Variants in KCNIP4 observed in about 807,000 individuals in gnomAD.
KCNIP4 encodes the protein Kv channel-interacting protein 4.
In KCNIP4, 12 loss-of-function variants were observed where a neutral mutation model predicts 34.0. The ratio of observed to expected loss-of-function variants is 0.35; its 90% CI spans 0.23 to 0.57. The LOEUF (loss-of-function observed/expected upper bound fraction) is 0.57. Among genes scored for constraint, KCNIP4 ranks in the 20% least tolerant of loss-of-function variants. The pLI, the probability that KCNIP4 is intolerant of heterozygous loss-of-function variation, is 0.83. For synonymous variants in KCNIP4, 124 were observed against 102.2 expected, an observed-to-expected ratio of 1.21 and a Z score of -1.29; for missense variants, 238 against 311.7, an observed-to-expected ratio of 0.76 and a Z score of 1.78.
chr4:21,358,722 C>A (rs1177992187), intron 1 of KCNIP4, among the ~76,000 whole-genome samples: 1 of 152,140 alleles, frequency 6.6e-6, no homozygotes, highest in African/African-American at 2.4e-5. Flanking sequence ...CTGCTTAGGG[C>A]AAGCATACCT....
At chr4:21,143,367 A>T (rs906442557) in intron 1 of KCNIP4, among the ~76,000 whole-genome samples, 1 of 152,180 alleles carries the variant, frequency 6.6e-6, no homozygotes, top group East Asian at 1.9e-4. Context: ...CTAGGAGTGG[A>T]GAGTGACCAT....
intron 1 of KCNIP4, among the ~76,000 whole-genome samples, chr4:21,901,692 T>C (rs1049233317): frequency 2.0e-5 from 3 of 152,200 alleles, no homozygotes; most frequent in African/African-American, 4.8e-5. Flanking sequence ...AAGTTAAAAC[T>C]GCTATGATGA....
At chr4:21,264,592 G>A (rs1435239461) in intron 1 of KCNIP4, among the ~76,000 whole-genome samples, 1 of 152,124 alleles carries the variant, frequency 6.6e-6, no homozygotes, top group African/African-American at 2.4e-5. Context: ...GCTCATCAAG[G>A]TGTCCTAAAG....
chr4:20,916,080 A>AG (rs1728782291), intron 1 of KCNIP4, among the ~76,000 whole-genome samples: 1 of 152,162 alleles, frequency 6.6e-6, no homozygotes, highest in Non-Finnish European at 1.5e-5. Flanking sequence ...ACAGCTTCAG[A>AG]GAAAAAAAAA....
chr4:21,129,558 T>A (rs1431396589), intron 1 of KCNIP4, among the ~76,000 whole-genome samples: 1 of 152,192 alleles, frequency 6.6e-6, no homozygotes, highest in East Asian at 1.9e-4. Flanking sequence ...GCAAGGAGTG[T>A]AATTCAGGTG....
chr4:20,989,604 C>T (rs1321944775), intron 1 of KCNIP4, among the ~76,000 whole-genome samples: 1 of 152,138 alleles, frequency 6.6e-6, no homozygotes, highest in Admixed American at 6.6e-5. Flanking sequence ...AGAGAGAAAC[C>T]TAATCTAGGT....
At chr4:21,205,071 G>A (rs1195843121) in intron 1 of KCNIP4, among the ~76,000 whole-genome samples, 2 of 152,192 alleles carry the variant, frequency 1.3e-5, no homozygotes, top group East Asian at 1.9e-4. Flanking sequence ...AAGTTTCAAC[G>A]AAAAGCTGGT....
chr4:21,449,666 T>C (rs916518992), intron 1 of KCNIP4, among the ~76,000 whole-genome samples: 1 of 151,610 alleles, frequency 6.6e-6, no homozygotes, highest in Non-Finnish European at 1.5e-5. Flanking sequence ...CTTTTTACTC[T>C]TTTTAAAGTT....
chr4:20,744,119 G>T (rs1291148542), intron 5 of KCNIP4, among the ~76,000 whole-genome samples: 1 of 152,136 alleles, frequency 6.6e-6, no homozygotes, highest in Non-Finnish European at 1.5e-5. Flanking sequence ...AACAACAGAT[G>T]CTGGAGAGGA....
rs950174249 is a variant in KCNIP4 at position 20,850,523 on chromosome 4, G to T, written c.288+20C>A. 1.6e-5 allele frequency: 26 copies of T among 1,610,026 alleles called. No individual in the cohort carries two copies. The highest frequency in any genetic ancestry group is 2.2e-5 in the Non-Finnish European group (26 of 1,178,396). ...CCTCTGGGAATTGTGTGAAGGTAAA[G>T]TCAAAAAGAAAGTTCTTACATTCTT... On this transcript the variant is annotated intron_variant, in intron 3 of 8. Coordinates refer to ENST00000382152, the MANE Select transcript of KCNIP4 (RefSeq NM_025221.6).
chr4:20,968,477 CAT>C (rs1301352292), intron 1 of KCNIP4, among the ~76,000 whole-genome samples: 1 of 152,086 alleles, frequency 6.6e-6, no homozygotes, highest in African/African-American at 2.4e-5. Context: ...CACATGCACA[CAT>C]ATGTTTATTG....
At chr4:21,385,311 C>A (rs1289245421) in intron 1 of KCNIP4, among the ~76,000 whole-genome samples, 3 of 152,134 alleles carry the variant, frequency 2.0e-5, no homozygotes, top group Non-Finnish European at 2.9e-5. Flanking sequence ...ACAGAACCAC[C>A]AGCAGGAGGT....
intron 1 of KCNIP4, among the ~76,000 whole-genome samples, chr4:21,057,305 A>G (rs560506614): frequency 6.6e-6 from 1 of 152,326 alleles, no homozygotes; most frequent in East Asian, 1.9e-4. Flanking sequence ...TTCAATTCAA[A>G]AGAAACACAT....
At chr4:21,098,120 T>C (rs1422152274) in intron 1 of KCNIP4, among the ~76,000 whole-genome samples, 1 of 152,178 alleles carries the variant, frequency 6.6e-6, no homozygotes. Flanking sequence ...GTGACTTTCT[T>C]CACTTCTATG....
rs542395560 is a variant in KCNIP4, at chr4:21,373,542, C to T, written c.62-490833G>A. 2.7e-5 allele frequency among the ~76,000 whole-genome samples: 4 copies of T among 146,616 alleles called. No individual in the cohort carries two copies. The South Asian group carries it at 8.5e-4, about 31-fold the overall frequency. On this transcript the variant is annotated intron_variant, in intron 1 of 8. Transcript: ENST00000382152. ...TTGGGGTTTCCTTTGGGAACCGATTCCATTTCATATTGTCATGTTATTTGA... is the reference window on the plus strand; with the variant it reads ...TTGGGGTTTCCTTTGGGAACCGATTTCATTTCATATTGTCATGTTATTTGA...
chr4:20,928,233 T>G (rs929572297), intron 1 of KCNIP4, among the ~76,000 whole-genome samples: 13 of 125,988 alleles, frequency 1.0e-4, no homozygotes, highest in African/African-American at 3.9e-4. Context: ...ACAAATTTTC[T>G]AAGATAGTTT....
chr4:21,581,225 C>G (rs887747772), intron 1 of KCNIP4, among the ~76,000 whole-genome samples: 4 of 151,846 alleles, frequency 2.6e-5, no homozygotes, highest in Non-Finnish European at 4.4e-5. Flanking sequence ...TAAAAACAAA[C>G]AAGCAGGAGG....
chr4:21,366,273 A>C (rs150915629), intron 1 of KCNIP4, among the ~76,000 whole-genome samples: 211 of 152,274 alleles, frequency 1.4e-3, no homozygotes, highest in Non-Finnish European at 2.5e-3. Flanking sequence ...CTTTAAAAAA[A>C]TAAAAAAAAC....
chr4:21,183,078 A>G (rs1754961603), intron 1 of KCNIP4, among the ~76,000 whole-genome samples: 1 of 152,118 alleles, frequency 6.6e-6, no homozygotes, highest in African/African-American at 2.4e-5. Flanking sequence ...AGTGTTTTAG[A>G]TTTCACATAT....
Sources: allele counts gnomAD v4.1 joint callset (sites outside exome capture counted in the v4.1 genomes callset), GRCh38; gene constraint gnomAD v4.1.1; transcripts MANE v1.5; gene names NCBI Gene and HGNC (gene_info 2026-07-23, HGNC 2026-07-21).